Variants in EIF4G3 observed in about 807,000 individuals in gnomAD.
EIF4G3 encodes eIF-4-gamma 3.
In EIF4G3, 34 loss-of-function variants were observed where a neutral mutation model predicts 186.4. That is an observed-to-expected ratio of 0.18 (90% CI 0.14 to 0.24). EIF4G3 has a LOEUF of 0.24. Ranked by LOEUF, EIF4G3 falls within the 10% of genes least tolerant of loss-of-function variation. EIF4G3 has a pLI of 1.00. For missense variants in EIF4G3, 1,536 were observed against 1,948.5 expected (o/e 0.79, Z 3.99); for synonymous variants, 673 against 679.5 (o/e 0.99, Z 0.15).
intron 14 of EIF4G3, among the ~76,000 whole-genome samples, chr1:20,938,697 G>A (rs962618323): frequency 2.0e-5 from 3 of 152,178 alleles, no homozygotes; most frequent in Non-Finnish European, 4.4e-5. Flanking sequence ...CACGTCAGGT[G>A]GATATACTTA....
At chr1:21,036,588 CTTAT>C (rs2093221688) in intron 4 of EIF4G3, among the ~76,000 whole-genome samples, 1 of 152,090 alleles carries the variant, frequency 6.6e-6, no homozygotes, top group South Asian at 2.1e-4. Flanking sequence ...TATATAAATG[CTTAT>C]TTGTGGGCTG....
chr1:21,140,438 T>G (rs899792522), intron 2 of EIF4G3, among the ~76,000 whole-genome samples: 9 of 152,220 alleles, frequency 5.9e-5, no homozygotes, highest in African/African-American at 1.9e-4. Flanking sequence ...CTCAGCCCCC[T>G]AAATAGCTGG....
intron 2 of EIF4G3, among the ~76,000 whole-genome samples, chr1:21,141,980 GATA>G (rs1449381328): frequency 1.3e-5 from 2 of 151,602 alleles, no homozygotes; most frequent in African/African-American, 4.8e-5. Flanking sequence ...AAAGATTCAA[GATA>G]ATATTTCCCT....
At chr1:21,173,907 C>G (rs1456491052) in intron 2 of EIF4G3, among the ~76,000 whole-genome samples, 2 of 152,142 alleles carry the variant, frequency 1.3e-5, no homozygotes, top group African/African-American at 4.8e-5. Context: ...AGTAGAACTG[C>G]TCTATTTCAA....
intron 4 of EIF4G3, among the ~76,000 whole-genome samples, chr1:21,017,355 G>C (rs1356639763): frequency 6.6e-6 from 1 of 151,948 alleles, no homozygotes; most frequent in Non-Finnish European, 1.5e-5. Context: ...TTGGCCGGGC[G>C]CAGTGGCTCA....
At position 20,895,408 on chromosome 1, in the gene EIF4G3, G is replaced by A; in HGVS notation, c.2093C>T (p.Pro698Leu). 2 of 1,613,976 alleles carry A rather than the reference G, an allele frequency of 1.2e-6. No homozygotes were observed. The highest frequency in any genetic ancestry group is 1.7e-6 in the Non-Finnish European group (2 of 1,179,936). Residue 698 changes from proline to leucine, a missense_variant, in exon 17 of 37, where the codon CCA becomes CTA. Around this residue, in one of 11 missense-constraint regions of EIF4G3, gnomAD observed 139 missense variants for 192.8 expected, o/e 0.72. Coordinates refer to ENST00000602326, the MANE Select transcript of EIF4G3 (RefSeq NM_001391906.1). ...FQFMPACIQKPEGLPPISDVV... is the reference protein window; with the variant it reads ...FQFMPACIQKLEGLPPISDVV... ...ATCACTGATAGGAGGCAGGCCCTCT[G>A]GTTTTTGTATACAGGCAGGCATGAA...
At chr1:21,109,855 GCTCACTGCAAC>G (rs1330056670) in intron 2 of EIF4G3, among the ~76,000 whole-genome samples, 1 of 152,128 alleles carries the variant, frequency 6.6e-6, no homozygotes, top group African/African-American at 2.4e-5. Context: ...TATGATCTTG[GCTCACTGCAAC>G]CTCCCCCGTC....
chr1:21,098,204 T>C (rs2096423114), intron 2 of EIF4G3, among the ~76,000 whole-genome samples: 1 of 152,128 alleles, frequency 6.6e-6, no homozygotes, highest in South Asian at 2.1e-4. Context: ...GTAAATACTT[T>C]TAAAACTTAC....
At chr1:20,903,870 TATC>T (rs1481225595) in intron 15 of EIF4G3, among the ~76,000 whole-genome samples, 2 of 152,254 alleles carry the variant, frequency 1.3e-5, no homozygotes. Context: ...ATTTTAATTT[TATC>T]ATGTTAAACC....
intron 3 of EIF4G3, among the ~76,000 whole-genome samples, chr1:21,053,064 T>C (rs879844404): frequency 3.3e-4 from 43 of 131,858 alleles, no homozygotes; most frequent in African/African-American, 8.1e-4. Context: ...GTGAGGAGCC[T>C]CTCTGCCTGG....
At chr1:20,809,117 GCA>G (rs1379857810) in intron 36 of EIF4G3, among the ~76,000 whole-genome samples, 1 of 152,076 alleles carries the variant, frequency 6.6e-6, no homozygotes, top group Non-Finnish European at 1.5e-5. Context: ...GGGATTACAG[GCA>G]TGCGCCACCA....
At chr1:20,855,373 T>C (rs553270252) in intron 25 of EIF4G3, among the ~76,000 whole-genome samples, 88 of 152,348 alleles carry the variant, frequency 5.8e-4, no homozygotes, top group African/African-American at 2.0e-3. Flanking sequence ...TTTCTAATCA[T>C]TCTTCTTGTA....
At position 21,122,872 on chromosome 1, in the gene EIF4G3, C is replaced by T. The variant is rs771648904; in HGVS notation, c.-271-33659G>A. On this transcript the variant is annotated intron_variant, in intron 2 of 36. Coordinates refer to ENST00000602326, the MANE Select transcript of EIF4G3 (RefSeq NM_001391906.1). Reference sequence around the variant, plus strand: ...AATGCTGTTTCAAGCTATACAGATTCGGATTCAAGCAAGACAGGAATCATG... The same window carrying T: ...AATGCTGTTTCAAGCTATACAGATTTGGATTCAAGCAAGACAGGAATCATG... Among the ~76,000 whole-genome samples, 7 of 152,162 alleles carry T rather than the reference C, an allele frequency of 4.6e-5. No homozygotes were observed. The South Asian group carries it at 6.2e-4, about 14-fold the overall frequency.
chr1:20,827,505 CATTCTT>C (rs1194128168), intron 32 of EIF4G3, 106 bp downstream of exon 32: 3 of 489,156 alleles, frequency 6.1e-6, no homozygotes, highest in Non-Finnish European at 1.1e-5. Flanking sequence ...GCAGAGACCT[CATTCTT>C]AATTACTTGC....
At chr1:21,031,912 CAAAT>C (rs2092778584) in intron 4 of EIF4G3, among the ~76,000 whole-genome samples, 1 of 152,076 alleles carries the variant, frequency 6.6e-6, no homozygotes, top group Admixed American at 6.5e-5. Flanking sequence ...TGGTCTTTCC[CAAAT>C]AAATCAATTT....
At chr1:21,066,202 A>AT (rs2095232590) in intron 3 of EIF4G3, among the ~76,000 whole-genome samples, 3 of 150,656 alleles carry the variant, frequency 2.0e-5, no homozygotes, top group Admixed American at 6.7e-5. Context: ...ATCCTAATTG[A>AT]TTTTTCTGAA....
chr1:21,034,977 C>T (rs2093059439), intron 4 of EIF4G3, among the ~76,000 whole-genome samples: 1 of 152,136 alleles, frequency 6.6e-6, no homozygotes, highest in Admixed American at 6.5e-5. Flanking sequence ...ATCACCCCTG[C>T]CCTGGATGCC....
chr1:20,838,704 G>A (rs997965819), intron 30 of EIF4G3, among the ~76,000 whole-genome samples: 2 of 151,812 alleles, frequency 1.3e-5, no homozygotes, highest in African/African-American at 2.4e-5. Flanking sequence ...TTCCCCAGAC[G>A]TGGTCTCATT....
chr1:20,833,411 CTGT>C (rs2065867975), intron 30 of EIF4G3, among the ~76,000 whole-genome samples: 1 of 151,810 alleles, frequency 6.6e-6, no homozygotes, highest in South Asian at 2.1e-4. Flanking sequence ...GGCTCTCTGT[CTGT>C]TGTTGGTGTA....
Sources: allele counts gnomAD v4.1 joint callset (sites outside exome capture counted in the v4.1 genomes callset), GRCh38; gene constraint gnomAD v4.1.1; regional missense constraint gnomAD v4.1.1; transcripts MANE v1.5; gene names NCBI Gene and HGNC (gene_info 2026-07-23, HGNC 2026-07-21).